ALDH7A1: variants seen among roughly 807,000 people sequenced by gnomAD.
ALDH7A1 encodes the protein alpha-aminoadipic semialdehyde dehydrogenase.
ALDH7A1 carries 63 observed loss-of-function variants against 79.9 expected under a neutral mutation model. The ratio of observed to expected loss-of-function variants is 0.79; its 90% CI spans 0.64 to 0.97. ALDH7A1 has a LOEUF of 0.97. Among genes scored for constraint, ALDH7A1 ranks in the 50% least tolerant of loss-of-function variants. ALDH7A1 has a pLI of 0.00. For synonymous variants in ALDH7A1, 240 were observed against 231.2 expected (o/e 1.04, Z -0.34); for missense variants, 627 against 665.2 (o/e 0.94, Z 0.63).
At chr5:126,547,614 T>G (rs982001078) in intron 16 of ALDH7A1, among the ~76,000 whole-genome samples, 1 of 152,220 alleles carries the variant, frequency 6.6e-6, no homozygotes, top group Non-Finnish European at 1.5e-5. Flanking sequence ...TTGACTCCCA[T>G]GTGTCCTGCT....
intron 12 of ALDH7A1, among the ~76,000 whole-genome samples, chr5:126,555,628 G>T (rs1750165117): frequency 6.6e-6 from 1 of 152,094 alleles, no homozygotes; most frequent in African/African-American, 2.4e-5. Flanking sequence ...TCAGTTAGGG[G>T]ATTCTTGCAG....
intron 9 of ALDH7A1, among the ~76,000 whole-genome samples, chr5:126,563,428 G>A (rs904173743): frequency 6.6e-6 from 1 of 152,136 alleles, no homozygotes; most frequent in Admixed American, 6.5e-5. Flanking sequence ...TATTTACTTA[G>A]GTTAGGACTC....
intron 7 of ALDH7A1, among the ~76,000 whole-genome samples, chr5:126,574,310 G>C (rs1750889370): frequency 6.6e-6 from 1 of 151,972 alleles, no homozygotes; most frequent in Non-Finnish European, 1.5e-5. Flanking sequence ...TGAGGCAGGA[G>C]AATCACTTGA....
At chr5:126,554,253 A>T (rs922573032) in intron 13 of ALDH7A1, 34 bp downstream of exon 13, 2 of 1,592,466 alleles carry the variant, frequency 1.3e-6, no homozygotes, top group Non-Finnish European at 1.7e-6. Flanking sequence ...GAAGGTTAAA[A>T]AGCTGTCACA....
intron 8 of ALDH7A1, 181 bp from the exon 9 acceptor site, chr5:126,568,537 C>T (rs536832865): frequency 3.2e-6 from 2 of 628,210 alleles, no homozygotes; most frequent in African/African-American, 3.6e-5. Context: ...ACAGGTAGAA[C>T]CATTAGGCAG....
intron 1 of ALDH7A1, chr5:126,594,316 C>T (rs1014769573): frequency 4.3e-6 from 2 of 468,828 alleles, no homozygotes; most frequent in African/African-American, 2.0e-5. Context: ...CACTGAAGAA[C>T]GTTACCTGCG....
intron 1 of ALDH7A1, 28 bp from the exon 2 acceptor site, chr5:126,593,432 A>G (rs750527809): frequency 8.1e-6 from 13 of 1,613,962 alleles, no homozygotes; most frequent in Non-Finnish European, 1.1e-5. Flanking sequence ...ATGATCATGT[A>G]TAGAAAACGT....
In ALDH7A1 at chr5:126,595,082, A is replaced by C. The variant is rs755756776; in HGVS notation, c.117T>G (p.Tyr39Ter). 1.2e-6 allele frequency: 2 copies of C among 1,606,224 alleles called. No homozygotes were observed. Among genetic ancestry groups the C allele is most frequent in the East Asian group, 2.2e-5 (1 of 44,506 alleles). ...MSTLLINQPQ[Y>*]AWLKELGLRE... Reference sequence around the variant, plus strand: ...GGAGCCCCAGCTCTTTCAGCCACGCATACTGGGGCTGATTGATGAGGAGAG... The same window carrying C: ...GGAGCCCCAGCTCTTTCAGCCACGCCTACTGGGGCTGATTGATGAGGAGAG... Residue 39 changes from tyrosine to a stop codon, truncating the protein, a stop_gained, in exon 1 of 18, where the codon TAT becomes TAG. Coordinates refer to ENST00000409134, the MANE Select transcript of ALDH7A1 (RefSeq NM_001182.5). LOFTEE classifies it high-confidence loss of function.
chr5:126,561,277 C>T (rs181079924), intron 9 of ALDH7A1, 153 bp from the exon 10 acceptor site: 280 of 482,280 alleles, frequency 5.8e-4, no homozygotes, highest in African/African-American at 4.7e-3. Context: ...CCTGATTACA[C>T]CCTATCCCAA....
chr5:126,592,823 A>G (rs1210936123), intron 2 of ALDH7A1, 94 bp from the exon 3 acceptor site: 8 of 1,271,262 alleles, frequency 6.3e-6, no homozygotes, highest in Non-Finnish European at 7.9e-6. Flanking sequence ...AAGAGTTGGG[A>G]AATCTCTAGG....
At chr5:126,576,428 A>T (rs17154676) in intron 6 of ALDH7A1, among the ~76,000 whole-genome samples, 11 of 152,156 alleles carry the variant, frequency 7.2e-5, no homozygotes, top group African/African-American at 2.2e-4. Flanking sequence ...CTAGTGGAAC[A>T]GATGCAAGCA....
At chr5:126,551,883 C>T (rs1055844219) in intron 14 of ALDH7A1, 138 bp downstream of exon 14, 49 of 756,850 alleles carry the variant, frequency 6.5e-5, no homozygotes, top group South Asian at 3.3e-4. Flanking sequence ...CATATTTTAT[C>T]CTGAACCTTC....
chr5:126,574,698 A>T (rs921378148), intron 7 of ALDH7A1, among the ~76,000 whole-genome samples: 4 of 149,982 alleles, frequency 2.7e-5, no homozygotes, highest in South Asian at 2.1e-4. Context: ...CCATCTCAAA[A>T]AATAATAATA....
At chr5:126,545,580 G>A (rs1326866023) in intron 17 of ALDH7A1, among the ~76,000 whole-genome samples, 1 of 142,722 alleles carries the variant, frequency 7.0e-6, no homozygotes, top group Non-Finnish European at 1.5e-5. Flanking sequence ...GAGGTCAGGA[G>A]TTCAAGACCA....
At chr5:126,552,558 A>T (rs1320022614) in intron 13 of ALDH7A1, among the ~76,000 whole-genome samples, 1 of 151,694 alleles carries the variant, frequency 6.6e-6, no homozygotes, top group South Asian at 2.1e-4. Flanking sequence ...ATGCCCAGCT[A>T]AATTTTTTTT....
intron 9 of ALDH7A1, among the ~76,000 whole-genome samples, chr5:126,565,960 G>A (rs1340094227): frequency 6.6e-6 from 1 of 152,076 alleles, no homozygotes; most frequent in African/African-American, 2.4e-5. Flanking sequence ...CCTTATGCTG[G>A]TGCCACATAG....
chr5:126,554,651 T>C (rs1057097793), intron 12 of ALDH7A1: 9 of 486,910 alleles, frequency 1.8e-5, no homozygotes, highest in Non-Finnish European at 3.4e-5. Flanking sequence ...AATGAGTGGG[T>C]ATGTGCCGAG....
chr5:126,550,344 A>C (rs765469173), intron 14 of ALDH7A1, 51 bp from the exon 15 acceptor site: 1 of 1,367,592 alleles, frequency 7.3e-7, no homozygotes, highest in Non-Finnish European at 1.0e-6. Context: ...TTCAAGTCAA[A>C]GTTCACTGAC....
intron 3 of ALDH7A1, chr5:126,588,705 T>C (rs1483005146): frequency 6.6e-6 from 1 of 152,010 alleles, no homozygotes; most frequent in Non-Finnish European, 1.5e-5. Flanking sequence ...GGCTCATCAG[T>C]TGTAACAAAA....
Sources: gnomAD v4.1 joint callset for allele counts (sites outside exome capture counted in the v4.1 genomes callset) on GRCh38, gnomAD v4.1.1 for gene constraint, MANE v1.5 for transcripts, NCBI Gene and HGNC (gene_info 2026-07-23, HGNC 2026-07-21) for gene names.